ZNF438: variants seen among roughly 807,000 people sequenced by gnomAD.
The protein encoded by ZNF438 is zinc finger protein 438.
A neutral mutation model predicts 38.0 loss-of-function variants in ZNF438; 25 were observed. The observed-to-expected ratio is 0.66, with a 90% confidence interval of 0.48 to 0.92. The LOEUF is 0.92. Ranked by LOEUF, ZNF438 falls within the 40% of genes least tolerant of loss-of-function variation. The pLI is 0.00. For synonymous variants in ZNF438, 372 were observed against 364.1 expected (o/e 1.02, Z -0.25); for missense variants, 1,007 against 999.6 (o/e 1.01, Z -0.10).
rs2055311487 is a variant in ZNF438, at chr10:31,007,881, T to C, written c.-192+23952A>G. Among the ~76,000 whole-genome samples the C allele has an allele frequency of 1.3e-5, 2 of 152,200 alleles. 1 individual carries two copies. The highest frequency in any genetic ancestry group is 4.1e-4 in the South Asian group (2 of 4,836). On this transcript the variant is annotated intron_variant, in intron 1 of 5. Transcript: ENST00000413025. ...GACATAAGACATCTTACTTTGTCTC[T>C]GTAGGACTCAGCTCTCTCATAAAGC...
At chr10:31,024,491 G>A (rs1358553219) in intron 1 of ZNF438, among the ~76,000 whole-genome samples, 1 of 152,200 alleles carries the variant, frequency 6.6e-6, no homozygotes, top group Admixed American at 6.5e-5. Flanking sequence ...AGCCGGGCTT[G>A]GTGGCGGGTG....
At chr10:30,985,875 T>A (rs564556477) in intron 1 of ZNF438, among the ~76,000 whole-genome samples, 1 of 152,200 alleles carries the variant, frequency 6.6e-6, no homozygotes. Context: ...CAAGATACCT[T>A]ATTAATATAT....
intron 3 of ZNF438, among the ~76,000 whole-genome samples, chr10:30,883,312 A>G (rs2039515884): frequency 6.6e-6 from 1 of 152,150 alleles, no homozygotes; most frequent in South Asian, 2.1e-4. Flanking sequence ...CCTGAGCTTT[A>G]TAATTCTGCA....
intron 1 of ZNF438, 66 bp downstream of exon 1, chr10:31,031,767 C>T (rs1401100624): frequency 6.5e-6 from 1 of 153,962 alleles, no homozygotes; most frequent in Non-Finnish European, 1.4e-5. Flanking sequence ...ACCACCACCG[C>T]CGGGACTGCC....
intron 3 of ZNF438, among the ~76,000 whole-genome samples, chr10:30,888,759 T>G (rs1427815492): frequency 6.6e-6 from 1 of 152,248 alleles, no homozygotes; most frequent in Non-Finnish European, 1.5e-5. Context: ...CCACAATTTC[T>G]TCATCCAGTA....
At chr10:30,941,165 G>C (rs968319698) in intron 2 of ZNF438, among the ~76,000 whole-genome samples, 9 of 152,088 alleles carry the variant, frequency 5.9e-5, no homozygotes, top group African/African-American at 1.9e-4. Flanking sequence ...TCGGCCTCCA[G>C]GGTTGAAGCA....
chr10:30,891,317 T>A (rs1167205952), intron 3 of ZNF438, among the ~76,000 whole-genome samples: 1 of 152,216 alleles, frequency 6.6e-6, no homozygotes, highest in East Asian at 1.9e-4. Flanking sequence ...TGCTTTCTAT[T>A]TATTAATTTT....
intron 3 of ZNF438, among the ~76,000 whole-genome samples, chr10:30,899,382 T>C (rs971628925): frequency 2.6e-5 from 4 of 152,248 alleles, no homozygotes; most frequent in Middle Eastern, 3.4e-3. Context: ...ATGATTCGTG[T>C]GACAAAATTA....
intron 3 of ZNF438, among the ~76,000 whole-genome samples, chr10:30,907,167 G>T (rs1172721874): frequency 6.6e-6 from 1 of 152,144 alleles, no homozygotes. Context: ...TAGAGACGCG[G>T]TTTCACCATG....
intron 1 of ZNF438, among the ~76,000 whole-genome samples, chr10:30,999,834 T>C (rs1484210412): frequency 6.6e-6 from 1 of 152,222 alleles, no homozygotes; most frequent in Non-Finnish European, 1.5e-5. Context: ...CCCCTCAATT[T>C]ACACCTAGAG....
rs182955023 is a variant in ZNF438, at chr10:30,960,000, T to C, written c.-191-18349A>G. Among the ~76,000 whole-genome samples the C allele has an allele frequency of 1.2e-3, 174 of 147,124 alleles. 2 individuals are homozygous for C. Among genetic ancestry groups the C allele is most frequent in the African/African-American group, 4.1e-3 (167 of 41,082 alleles). On this transcript the variant is annotated intron_variant, in intron 1 of 5. Transcript: ENST00000413025. The stretch of plus-strand genomic sequence containing the variant: ...GATGTAATCTCATTGTGGTATCTCA[T>C]TGTGTTTTTAATGTGTATCTTCCTA...
intron 1 of ZNF438, among the ~76,000 whole-genome samples, chr10:30,973,032 A>G (rs2050918039): frequency 2.6e-5 from 4 of 151,992 alleles, no homozygotes; most frequent in Admixed American, 2.6e-4. Flanking sequence ...TTTTCCTTCC[A>G]GATGCTCAGC....
chr10:30,957,608 G>A (rs558072140), intron 1 of ZNF438, among the ~76,000 whole-genome samples: 7 of 152,234 alleles, frequency 4.6e-5, no homozygotes, highest in Admixed American at 3.3e-4. Flanking sequence ...TTATTTCAGA[G>A]GATGTCCTTT....
intron 3 of ZNF438, among the ~76,000 whole-genome samples, chr10:30,902,386 T>G (rs2042114829): frequency 6.8e-6 from 1 of 146,152 alleles, no homozygotes; most frequent in Non-Finnish European, 1.5e-5. Flanking sequence ...CTAGACAGAG[T>G]GCTGATTCAT....
At chr10:30,997,729 C>G (rs1307228227) in intron 1 of ZNF438, among the ~76,000 whole-genome samples, 1 of 152,024 alleles carries the variant, frequency 6.6e-6, no homozygotes, top group Non-Finnish European at 1.5e-5. Context: ...TTCTAGGAGG[C>G]TTCTAAGAAA....
intron 1 of ZNF438, among the ~76,000 whole-genome samples, chr10:30,963,279 C>T (rs781577614): frequency 4.6e-5 from 7 of 150,662 alleles, no homozygotes; most frequent in Non-Finnish European, 8.8e-5. Flanking sequence ...GTAATCCCAG[C>T]TACTCAGGAG....
chr10:30,958,010 G>T (rs1242035275), intron 1 of ZNF438, among the ~76,000 whole-genome samples: 1 of 146,772 alleles, frequency 6.8e-6, no homozygotes, highest in East Asian at 1.9e-4. Context: ...AGTATAATTT[G>T]AAGTCAGGTA....
rs978981685 is a variant in ZNF438, at chr10:30,905,972, G to C, written c.-32+2961C>G. ...CACTGTTATTTATTATAGCTTTGTA[G>C]TAAGTCTTGAAATTGAGAATGGGGA... On this transcript the variant is annotated intron_variant, in intron 3 of 5. Transcript: ENST00000413025. Among the ~76,000 whole-genome samples, 7 of 152,230 alleles carry C rather than the reference G, an allele frequency of 4.6e-5. No homozygotes were observed. The East Asian group carries it at 9.7e-4, about 21-fold the overall frequency.
At chr10:31,020,501 CAGTT>C (rs954444425) in intron 1 of ZNF438, among the ~76,000 whole-genome samples, 15 of 152,110 alleles carry the variant, frequency 9.9e-5, no homozygotes, top group African/African-American at 3.4e-4. Flanking sequence ...TACTTGGCGT[CAGTT>C]AGTCTGGAGC....
Sources: allele counts gnomAD v4.1 joint callset (sites outside exome capture counted in the v4.1 genomes callset), GRCh38; gene constraint gnomAD v4.1.1; transcripts MANE v1.5; gene names NCBI Gene and HGNC (gene_info 2026-07-23, HGNC 2026-07-21).